SUGCT: variants seen among roughly 807,000 people sequenced by gnomAD.
SUGCT encodes the protein succinyl-CoA:glutarate CoA-transferase.
In SUGCT, 41 loss-of-function variants were observed where a neutral mutation model predicts 55.0. The ratio of observed to expected loss-of-function variants is 0.74; its 90% CI spans 0.58 to 0.97. The LOEUF is 0.97. Ranked by LOEUF, SUGCT falls within the 50% of genes least tolerant of loss-of-function variation. The pLI is 0.00. For missense variants in SUGCT, 568 were observed against 547.8 expected, an observed-to-expected ratio of 1.04 and a Z score of -0.37; for synonymous variants, 187 against 200.4, an observed-to-expected ratio of 0.93 and a Z score of 0.56.
At chr7:40,517,253 T>G (rs1333007276) in intron 12 of SUGCT, among the ~76,000 whole-genome samples, 1 of 151,576 alleles carries the variant, frequency 6.6e-6, no homozygotes, top group African/African-American at 2.4e-5. Context: ...TGTGAATTCC[T>G]TAGGATTTTT....
the SUGCT span, among the ~76,000 whole-genome samples, chr7:40,977,954 C>T: frequency 1.3e-5 from 2 of 152,302 alleles, no homozygotes; most frequent in Admixed American, 6.5e-5. Flanking sequence ...GACCCTTAAA[C>T]CTCGGCCATC....
chr7:40,248,230 C>CA (rs1398229580), intron 7 of SUGCT, among the ~76,000 whole-genome samples: 1 of 152,104 alleles, frequency 6.6e-6, no homozygotes, highest in Non-Finnish European at 1.5e-5. Context: ...AGGCTGGTCT[C>CA]AAACTCCTGA....
At chr7:40,854,414 T>TCCTTC (rs770149203) in intron 13 of SUGCT, among the ~76,000 whole-genome samples, 8 of 89,004 alleles carry the variant, frequency 9.0e-5, no homozygotes, top group African/African-American at 2.7e-4. Context: ...TTTCTTTCTT[T>TCCTTC]CTTTCCTTTC....
chr7:41,017,933 T>C, the SUGCT span, among the ~76,000 whole-genome samples: 4 of 151,400 alleles, frequency 2.6e-5, no homozygotes, highest in Non-Finnish European at 5.9e-5. Context: ...TTTGATGGAA[T>C]TGTGTTGTCA....
At chr7:40,426,587 G>A (rs538718648) in intron 9 of SUGCT, among the ~76,000 whole-genome samples, 1 of 152,290 alleles carries the variant, frequency 6.6e-6, no homozygotes, top group South Asian at 2.1e-4. Context: ...GGATGGTATT[G>A]ACTTTTACAT....
chr7:40,924,815 T>C, the SUGCT span, among the ~76,000 whole-genome samples: 1 of 152,260 alleles, frequency 6.6e-6, no homozygotes, highest in Non-Finnish European at 1.5e-5. Flanking sequence ...TTATTAATTC[T>C]GTATCATCAG....
At chr7:41,011,983 T>C in the SUGCT span, among the ~76,000 whole-genome samples, 4 of 152,194 alleles carry the variant, frequency 2.6e-5, no homozygotes, top group African/African-American at 9.7e-5. Flanking sequence ...GTTCTTTCTC[T>C]GTTTCACTTC....
At chr7:40,666,282 G>A (rs1801623680) in intron 12 of SUGCT, among the ~76,000 whole-genome samples, 2 of 151,522 alleles carry the variant, frequency 1.3e-5, no homozygotes, top group East Asian at 1.9e-4. Context: ...CCTGGGAGGC[G>A]GAGGTTGCAG....
chr7:40,511,243 G>A (rs1583865111), intron 12 of SUGCT, among the ~76,000 whole-genome samples: 1 of 152,094 alleles, frequency 6.6e-6, no homozygotes, highest in African/African-American at 2.4e-5. Context: ...TCAATTTCCT[G>A]CCCGAAATGC....
intron 12 of SUGCT, among the ~76,000 whole-genome samples, chr7:40,518,367 A>G (rs1324528079): frequency 1.3e-5 from 2 of 152,110 alleles, no homozygotes; most frequent in Non-Finnish European, 2.9e-5. Flanking sequence ...CAGTTATGAG[A>G]CTATTTTATC....
intron 11 of SUGCT, among the ~76,000 whole-genome samples, chr7:40,463,256 A>G (rs1167406418): frequency 6.6e-6 from 1 of 152,232 alleles, no homozygotes; most frequent in African/African-American, 2.4e-5. Context: ...TAACTTTAAA[A>G]ACAAACTCTA....
intron 13 of SUGCT, among the ~76,000 whole-genome samples, chr7:40,851,085 G>A (rs1449032159): frequency 6.6e-6 from 1 of 152,178 alleles, no homozygotes; most frequent in Non-Finnish European, 1.5e-5. Context: ...GGTTCAGTAA[G>A]TAAATTACCC....
intron 12 of SUGCT, among the ~76,000 whole-genome samples, chr7:40,675,340 T>TG (rs1783917190): frequency 6.6e-6 from 1 of 152,214 alleles, no homozygotes; most frequent in Non-Finnish European, 1.5e-5. Flanking sequence ...GTTACAGGCG[T>TG]GAGTCACCAC....
chr7:40,559,851 G>A (rs1795745718), intron 12 of SUGCT, among the ~76,000 whole-genome samples: 1 of 152,154 alleles, frequency 6.6e-6, no homozygotes. Context: ...TTTCACCACT[G>A]TCACAGTTAT....
intron 12 of SUGCT, among the ~76,000 whole-genome samples, chr7:40,678,869 A>G (rs1784117668): frequency 6.6e-6 from 1 of 152,198 alleles, no homozygotes; most frequent in South Asian, 2.1e-4. Context: ...TTTCACTACT[A>G]TTGCGAAGTG....
At chr7:40,237,444 CA>C (rs201388595) in intron 6 of SUGCT, among the ~76,000 whole-genome samples, 190 bp from the exon 7 acceptor site, 2 of 150,158 alleles carry the variant, frequency 1.3e-5, no homozygotes, top group African/African-American at 2.4e-5. Flanking sequence ...GACTCCATCT[CA>C]AAAAAAAATG....
chr7:40,217,012 C>G (rs895590632), intron 6 of SUGCT, among the ~76,000 whole-genome samples: 1 of 151,918 alleles, frequency 6.6e-6, no homozygotes, highest in Non-Finnish European at 1.5e-5. Flanking sequence ...TGGCATTTCC[C>G]CCCCCTCAGT....
intron 12 of SUGCT, among the ~76,000 whole-genome samples, chr7:40,736,273 TATATA>T (rs1386222576): frequency 2.1e-5 from 3 of 145,476 alleles, no homozygotes; most frequent in East Asian, 3.9e-4. Flanking sequence ...CAATATATAA[TATATA>T]ATATATTATA....
chr7:40,554,515 A>G (rs1023708638), intron 12 of SUGCT, among the ~76,000 whole-genome samples: 1 of 152,212 alleles, frequency 6.6e-6, no homozygotes, highest in East Asian at 1.9e-4. Flanking sequence ...GTGTAGTTGT[A>G]GCTTCTCTGT....
Sources: gnomAD v4.1 joint callset for allele counts (sites outside exome capture counted in the v4.1 genomes callset) on GRCh38, gnomAD v4.1.1 for gene constraint, MANE v1.5 for transcripts, NCBI Gene and HGNC (gene_info 2026-07-23, HGNC 2026-07-21) for gene names.